AGBL1: variants seen among roughly 807,000 people sequenced by gnomAD.
AGBL1 encodes cytosolic carboxypeptidase 4.
AGBL1 carries 130 observed loss-of-function variants against 118.9 expected under a neutral mutation model. The ratio of observed to expected loss-of-function variants is 1.09; its 90% CI spans 0.95 to 1.26. The LOEUF (loss-of-function observed/expected upper bound fraction) is 1.26, where lower values mean the gene tolerates loss of function less well. Ranked by LOEUF, AGBL1 falls within the 50% of genes most tolerant of loss-of-function variation. The pLI is 0.00. For missense variants in AGBL1, 1,584 were observed against 1,298.1 expected (o/e 1.22, Z -3.38); for synonymous variants, 555 against 478.9 (o/e 1.16, Z -2.08).
At chr15:86,989,150 T>C (rs542624196) in intron 24 of AGBL1, among the ~76,000 whole-genome samples, 40 of 152,210 alleles carry the variant, frequency 2.6e-4, no homozygotes, top group South Asian at 1.2e-3. Flanking sequence ...TACAGGTGTT[T>C]GCCACCAAGT....
At chr15:86,891,301 C>G (rs1299911870) in intron 22 of AGBL1, among the ~76,000 whole-genome samples, 1 of 151,906 alleles carries the variant, frequency 6.6e-6, no homozygotes, top group Non-Finnish European at 1.5e-5. Flanking sequence ...GCTTTGATTT[C>G]TTTTCAGACA....
At chr15:86,929,127 C>T (rs2080578114) in intron 23 of AGBL1, among the ~76,000 whole-genome samples, 2 of 152,138 alleles carry the variant, frequency 1.3e-5, no homozygotes, top group African/African-American at 2.4e-5. Context: ...CCTCCTCAGT[C>T]CACTATTCAT....
chr15:86,846,369 G>T (rs189982777), intron 22 of AGBL1, among the ~76,000 whole-genome samples: 6 of 152,274 alleles, frequency 3.9e-5, no homozygotes, highest in Non-Finnish European at 4.4e-5. Context: ...TAAGAAGTCT[G>T]CCATTAATTT....
intron 17 of AGBL1, among the ~76,000 whole-genome samples, chr15:86,364,956 C>CATATATATAT (rs776121691): frequency 1.5e-4 from 13 of 89,580 alleles, no homozygotes; most frequent in African/African-American, 7.9e-4. Context: ...TTATATGTCA[C>CATATATATAT]ACATATATAT....
intron 17 of AGBL1, chr15:86,296,346 C>T (rs978148124): frequency 3.3e-5 from 5 of 152,318 alleles, no homozygotes; most frequent in African/African-American, 1.2e-4. Flanking sequence ...AAGATACTGC[C>T]TTCCGTAATG....
chr15:86,191,348 CAAAAAAAAA>C (rs869108108), intron 5 of AGBL1, among the ~76,000 whole-genome samples: 2 of 65,118 alleles, frequency 3.1e-5, no homozygotes, highest in Non-Finnish European at 5.0e-5. Context: ...AACTTTGTCT[CAAAAAAAAA>C]AAAAAAAAAA....
chr15:86,297,095 A>G (rs1355116720), intron 17 of AGBL1: 2 of 152,106 alleles, frequency 1.3e-5, no homozygotes, highest in Non-Finnish European at 2.9e-5. Flanking sequence ...AAGAGAGAGA[A>G]AGAGAAAAAA....
intron 22 of AGBL1, among the ~76,000 whole-genome samples, chr15:86,751,358 C>T (rs573821431): frequency 1.3e-5 from 2 of 152,138 alleles, no homozygotes; most frequent in South Asian, 2.1e-4. Flanking sequence ...CCATTTCTTA[C>T]AGCATATACA....
chr15:86,603,834 T>G (rs373055592), intron 21 of AGBL1, among the ~76,000 whole-genome samples: 4 of 152,138 alleles, frequency 2.6e-5, no homozygotes, highest in African/African-American at 4.8e-5. Flanking sequence ...GCCATTTGTT[T>G]TTGTTGTTGT....
At chr15:86,824,354 T>A (rs780170306) in intron 22 of AGBL1, among the ~76,000 whole-genome samples, 4 of 152,016 alleles carry the variant, frequency 2.6e-5, no homozygotes, top group Middle Eastern at 3.2e-3. Context: ...TCAAAGAAAA[T>A]ACAGCACCCA....
At chr15:86,407,322 A>ATC (rs1567240977) in intron 18 of AGBL1, among the ~76,000 whole-genome samples, 1 of 152,152 alleles carries the variant, frequency 6.6e-6, no homozygotes, top group Non-Finnish European at 1.5e-5. Flanking sequence ...AATTAAACTC[A>ATC]GGTTCATCTG....
chr15:86,681,696 A>G (rs9783725), intron 22 of AGBL1, among the ~76,000 whole-genome samples: 4,092 of 152,266 alleles, frequency 0.027, 193 homozygotes, highest in African/African-American at 0.093. Context: ...AAGCCCTTTT[A>G]TGGTCTAGCT....
intron 22 of AGBL1, among the ~76,000 whole-genome samples, chr15:86,712,087 C>G (rs2086569525): frequency 6.6e-6 from 1 of 152,166 alleles, no homozygotes; most frequent in Non-Finnish European, 1.5e-5. Context: ...TCCACCTCAA[C>G]CTTTCTGACT....
At chr15:86,583,967 C>A (rs2084210408) in intron 21 of AGBL1, among the ~76,000 whole-genome samples, 2 of 119,972 alleles carry the variant, frequency 1.7e-5, no homozygotes, top group Non-Finnish European at 3.9e-5. Context: ...TTTCATGTTT[C>A]TTGGCCACTT....
At chr15:86,744,778 G>C (rs1470480533) in intron 22 of AGBL1, among the ~76,000 whole-genome samples, 1 of 152,120 alleles carries the variant, frequency 6.6e-6, no homozygotes, top group Non-Finnish European at 1.5e-5. Flanking sequence ...TCTATCAGTT[G>C]AGTTAATACA....
chr15:86,380,900 C>G (rs776809259), intron 17 of AGBL1, among the ~76,000 whole-genome samples: 6 of 151,942 alleles, frequency 3.9e-5, no homozygotes, highest in African/African-American at 4.8e-5. Flanking sequence ...ATCCTACTCA[C>G]TACTCTTTGT....
intron 6 of AGBL1, among the ~76,000 whole-genome samples, chr15:86,232,105 T>C (rs1474417579): frequency 6.6e-6 from 1 of 152,224 alleles, no homozygotes; most frequent in East Asian, 1.9e-4. Flanking sequence ...CATGCCATGC[T>C]GTGTTCAACT....
intron 18 of AGBL1, among the ~76,000 whole-genome samples, chr15:86,471,369 C>A (rs897537828): frequency 3.9e-5 from 6 of 152,144 alleles, no homozygotes; most frequent in African/African-American, 1.2e-4. Flanking sequence ...ATATGATGAA[C>A]CATCTTTGTA....
intron 18 of AGBL1, among the ~76,000 whole-genome samples, chr15:86,517,200 G>A (rs972947968): frequency 1.4e-4 from 21 of 152,118 alleles, no homozygotes; most frequent in African/African-American, 4.8e-4. Flanking sequence ...CTGGAAGCAT[G>A]GTGGCAATAA....
Sources: gnomAD v4.1 joint callset for allele counts (sites outside exome capture counted in the v4.1 genomes callset) on GRCh38, gnomAD v4.1.1 for gene constraint, MANE v1.5 for transcripts, NCBI Gene and HGNC (gene_info 2026-07-23, HGNC 2026-07-21) for gene names.